The following SDK1 variants were observed in gnomAD, a reference collection of about 807,000 sequenced individuals.
SDK1 encodes sidekick cell adhesion molecule 1.
SDK1 carries 157 observed loss-of-function variants against 245.5 expected under a neutral mutation model. The observed-to-expected ratio is 0.64, with a 90% CI of 0.56 to 0.73. The LOEUF (loss-of-function observed/expected upper bound fraction) is 0.73, where lower values mean the gene tolerates loss of function less well. Among genes scored for constraint, SDK1 ranks in the 30% least tolerant of loss-of-function variants. The pLI is 0.00. For missense variants in SDK1, 3,583 were observed against 3,002.3 expected, an observed-to-expected ratio of 1.19 and a Z score of -4.52; for synonymous variants, 1,647 against 1,278.5, an observed-to-expected ratio of 1.29 and a Z score of -6.15.
chr7:3,660,868 A>C (rs1783331269), intron 4 of SDK1, among the ~76,000 whole-genome samples: 1 of 152,220 alleles, frequency 6.6e-6, no homozygotes, highest in Non-Finnish European at 1.5e-5. Flanking sequence ...TTGCCCATTC[A>C]TTATTAGATG....
At chr7:4,139,291 G>T (rs867923174) in intron 28 of SDK1, among the ~76,000 whole-genome samples, 17 of 151,508 alleles carry the variant, frequency 1.1e-4, no homozygotes, top group African/African-American at 3.6e-4. Flanking sequence ...GATTTCATGG[G>T]TTTTTTTTTC....
intron 2 of SDK1, among the ~76,000 whole-genome samples, chr7:3,629,937 C>G (rs753731553): frequency 6.6e-6 from 1 of 151,668 alleles, no homozygotes; most frequent in Non-Finnish European, 1.5e-5. Flanking sequence ...AGTAGAGACA[C>G]GAAAAACACA....
At chr7:4,081,815 A>G (rs891393844) in intron 22 of SDK1, among the ~76,000 whole-genome samples, 1 of 152,150 alleles carries the variant, frequency 6.6e-6, no homozygotes, top group Admixed American at 6.5e-5. Context: ...AAAGTCAATG[A>G]TCCTCAAGAT....
intron 44 of SDK1, among the ~76,000 whole-genome samples, chr7:4,246,724 A>T (rs1583168293): frequency 1.3e-5 from 2 of 151,826 alleles, no homozygotes; most frequent in African/African-American, 4.8e-5. Context: ...TCCTCTCCTC[A>T]CCAAGCAGCT....
At chr7:3,776,783 A>C (rs1780577680) in intron 4 of SDK1, among the ~76,000 whole-genome samples, 1 of 152,116 alleles carries the variant, frequency 6.6e-6, no homozygotes, top group Non-Finnish European at 1.5e-5. Context: ...ACAAGGATGA[A>C]TCTAGAAAGG....
chr7:4,224,554 A>G (rs1455801164), intron 40 of SDK1, among the ~76,000 whole-genome samples: 1 of 152,220 alleles, frequency 6.6e-6, no homozygotes, highest in Non-Finnish European at 1.5e-5. Flanking sequence ...ACCGGGGACG[A>G]TAATTCAACC....
chr7:4,133,817 C>G (rs1202665323), intron 28 of SDK1, among the ~76,000 whole-genome samples: 2 of 152,198 alleles, frequency 1.3e-5, no homozygotes, highest in African/African-American at 4.8e-5. Flanking sequence ...CGGGATATTG[C>G]CATACCAGAC....
intron 1 of SDK1, among the ~76,000 whole-genome samples, chr7:3,551,385 T>C (rs1922013): frequency 2.6e-3 from 400 of 152,230 alleles, no homozygotes; most frequent in African/African-American, 9.4e-3. Flanking sequence ...CCTGGTAAAG[T>C]TTTCATATCC....
At chr7:4,073,188 G>A (rs1365288329) in intron 20 of SDK1, among the ~76,000 whole-genome samples, 1 of 152,140 alleles carries the variant, frequency 6.6e-6, no homozygotes. Context: ...TCTGGGAGCT[G>A]GAAGCAGAGG....
intron 30 of SDK1, among the ~76,000 whole-genome samples, chr7:4,149,905 G>C (rs1290682226): frequency 6.6e-6 from 1 of 152,144 alleles, no homozygotes; most frequent in African/African-American, 2.4e-5. Flanking sequence ...GGAGATGGAT[G>C]GCACCACGAG....
chr7:3,395,856 G>T (rs1314171547), intron 1 of SDK1, among the ~76,000 whole-genome samples: 1 of 151,548 alleles, frequency 6.6e-6, no homozygotes, highest in Non-Finnish European at 1.5e-5. Flanking sequence ...GATTTTTGTG[G>T]TTTTCTTTCT....
chr7:3,932,765 C>A (rs1027324953), intron 5 of SDK1, among the ~76,000 whole-genome samples: 1 of 152,192 alleles, frequency 6.6e-6, no homozygotes, highest in Non-Finnish European at 1.5e-5. Flanking sequence ...TTTCTCTGCT[C>A]CTGGTCCAAA....
At chr7:4,219,642 G>T (rs1036355859) in intron 38 of SDK1, among the ~76,000 whole-genome samples, 1 of 152,052 alleles carries the variant, frequency 6.6e-6, no homozygotes, top group Non-Finnish European at 1.5e-5. Context: ...GATTTGGGTG[G>T]GGCACAGCCA....
chr7:3,676,381 A>G lies in SDK1; in HGVS notation c.713+34276A>G, dbSNP rs192989211. ...TGCTCTGTCGCCCAGGCTGGAGTGC[A>G]GTGGCGCAGTCTCAGCTCAGTGCAA... On this transcript the variant is annotated intron_variant, in intron 4 of 44. Transcript: ENST00000404826. 1.7e-3 allele frequency among the ~76,000 whole-genome samples: 246 copies of G among 143,040 alleles called. 2 individuals are homozygous for G. Among genetic ancestry groups the G allele is most frequent in the African/African-American group, 6.1e-3 (234 of 38,352 alleles). 93.8% of individuals were successfully genotyped at this position (143,040 alleles called of 152,430 possible).
At chr7:3,342,086 A>T (rs1476638584) in intron 1 of SDK1, among the ~76,000 whole-genome samples, 2 of 152,250 alleles carry the variant, frequency 1.3e-5, no homozygotes, top group African/African-American at 4.8e-5. Flanking sequence ...GAGAACTAAA[A>T]AAATACATAA....
chr7:3,898,037 C>T (rs1159574485), intron 5 of SDK1, among the ~76,000 whole-genome samples: 1 of 152,136 alleles, frequency 6.6e-6, no homozygotes, highest in Non-Finnish European at 1.5e-5. Context: ...CACACACACC[C>T]CAATCAACAT....
At chr7:3,536,118 G>A (rs1315688965) in intron 1 of SDK1, among the ~76,000 whole-genome samples, 1 of 151,174 alleles carries the variant, frequency 6.6e-6, no homozygotes, top group African/African-American at 2.4e-5. Flanking sequence ...GTGCAGTGGT[G>A]CGATCTCGGC....
intron 39 of SDK1, 140 bp from the exon 40 acceptor site, chr7:4,221,099 C>G (rs1049317362): frequency 1.0e-6 from 1 of 983,076 alleles, no homozygotes; most frequent in African/African-American, 1.6e-5. Flanking sequence ...ATGAAAAACC[C>G]TGGGTGCGTG....
intron 5 of SDK1, among the ~76,000 whole-genome samples, chr7:3,899,052 G>T (rs1480862870): frequency 6.6e-6 from 1 of 151,888 alleles, no homozygotes; most frequent in Non-Finnish European, 1.5e-5. Flanking sequence ...CCTCCTTTTG[G>T]TTTCCATTTA....
Sources: gnomAD v4.1 joint callset for allele counts (sites outside exome capture counted in the v4.1 genomes callset) on GRCh38, gnomAD v4.1.1 for gene constraint, MANE v1.5 for transcripts, NCBI Gene and HGNC (gene_info 2026-07-23, HGNC 2026-07-21) for gene names.